Variants in NRXN3 observed in about 807,000 individuals in gnomAD.
The protein encoded by NRXN3 is neurexin 3, also known as neurexin III.
Under a neutral mutation model 137.6 loss-of-function variants are expected in NRXN3, and 32 were observed. The ratio of observed to expected loss-of-function variants is 0.23; its 90% CI spans 0.18 to 0.31. The LOEUF (loss-of-function observed/expected upper bound fraction) is 0.31, where lower values mean the gene tolerates loss of function less well. Among genes scored for constraint, NRXN3 ranks in the 10% least tolerant of loss-of-function variants. The probability of loss-of-function intolerance (pLI) is 1.00; values close to 1 mark genes in which losing one functional copy is unlikely to be tolerated. For missense variants in NRXN3, 1,574 were observed against 2,062.5 expected, an observed-to-expected ratio of 0.76 and a Z score of 4.59; for synonymous variants, 798 against 784.5, an observed-to-expected ratio of 1.02 and a Z score of -0.29.
At chr14:78,225,309 G>C (rs371479254) in intron 1 of NRXN3, among the ~76,000 whole-genome samples, 2 of 152,138 alleles carry the variant, frequency 1.3e-5, no homozygotes, top group Non-Finnish European at 2.9e-5. Flanking sequence ...GTGTGAGATG[G>C]TATCTCATTG....
intron 15 of NRXN3, among the ~76,000 whole-genome samples, chr14:79,322,847 G>A (rs1175107138): frequency 6.6e-6 from 1 of 152,170 alleles, no homozygotes; most frequent in African/African-American, 2.4e-5. Context: ...TAAAGGGTAT[G>A]ATACTTTGGC....
Position 78,298,445 on chromosome 14 carries a change from A to T in NRXN3, c.757+585A>T, listed in dbSNP as rs542236372. Among the ~76,000 whole-genome samples, 12 of 152,358 alleles carry T rather than the reference A, an allele frequency of 7.9e-5. No homozygotes were observed. In the South Asian group the frequency reaches 2.5e-3, roughly 32 times the overall value. On this transcript the variant is annotated intron_variant, in intron 4 of 20. Coordinates refer to ENST00000335750, the MANE Select transcript of NRXN3 (RefSeq NM_001330195.2). ...CCTCATGGCAGAATACTAACTCATT[A>T]TACACCCTGAAGAAAACTGCATATA...
At chr14:78,447,352 C>T (rs533080985) in intron 4 of NRXN3, among the ~76,000 whole-genome samples, 41 of 152,300 alleles carry the variant, frequency 2.7e-4, no homozygotes, top group East Asian at 2.1e-3. Context: ...TTGACTGTAT[C>T]GTTTTAATTT....
At chr14:79,572,963 T>A (rs2097623348) in intron 16 of NRXN3, 1 of 152,108 alleles carries the variant, frequency 6.6e-6, no homozygotes, top group Admixed American at 6.5e-5. Context: ...AGCCAGAATG[T>A]GAAGTAAGAG....
chr14:78,896,436 A>G (rs1259621299), intron 10 of NRXN3, among the ~76,000 whole-genome samples: 2 of 151,878 alleles, frequency 1.3e-5, no homozygotes, highest in Non-Finnish European at 1.5e-5. Context: ...TATGATTCCA[A>G]TAATTCAAGC....
At chr14:79,765,072 A>C (rs1312227788) in intron 19 of NRXN3, among the ~76,000 whole-genome samples, 2 of 152,168 alleles carry the variant, frequency 1.3e-5, no homozygotes, top group African/African-American at 4.8e-5. Flanking sequence ...CACAACTACA[A>C]GTCATTTCAG....
intron 15 of NRXN3, among the ~76,000 whole-genome samples, chr14:79,070,383 C>T (rs1436891648): frequency 2.0e-5 from 3 of 152,220 alleles, no homozygotes; most frequent in East Asian, 1.9e-4. Context: ...CATCAAGTCA[C>T]AGCTTTTCAT....
intron 8 of NRXN3, among the ~76,000 whole-genome samples, chr14:78,784,427 C>T (rs551947552): frequency 1.3e-5 from 2 of 152,178 alleles, no homozygotes; most frequent in East Asian, 1.9e-4. Flanking sequence ...CACCAGGTGG[C>T]TCTAAGTCCA....
At chr14:79,229,797 C>T (rs992721959) in intron 15 of NRXN3, among the ~76,000 whole-genome samples, 3 of 152,074 alleles carry the variant, frequency 2.0e-5, no homozygotes, top group African/African-American at 7.2e-5. Flanking sequence ...CAGCAACAAG[C>T]CTGTGCTGTG....
In NRXN3 at chr14:79,845,670, C is replaced by G. The variant is rs866530695; in HGVS notation, c.4094-15672C>G. ...AGAGAGACGGAGACGGGGAGAGAGA[C>G]GGAGACGGGGAGAGAGACGGAGACG... On this transcript the variant is annotated intron_variant, in intron 20 of 20. Coordinates refer to ENST00000335750, the MANE Select transcript of NRXN3 (RefSeq NM_001330195.2). Among the ~76,000 whole-genome samples the G allele has an allele frequency of 6.9e-3, 399 of 58,034 alleles. 8 individuals are homozygous for G. The highest frequency in any genetic ancestry group is 0.036 in the African/African-American group (346 of 9,492). 38.1% of individuals were successfully genotyped at this position (58,034 alleles called of 152,430 possible).
chr14:78,891,048 G>A (rs1364245348), intron 10 of NRXN3, among the ~76,000 whole-genome samples: 1 of 151,928 alleles, frequency 6.6e-6, no homozygotes, highest in East Asian at 1.9e-4. Flanking sequence ...AGTTACATTT[G>A]TTAATTTTGT....
chr14:78,486,536 G>T (rs2095561756), intron 4 of NRXN3, among the ~76,000 whole-genome samples: 1 of 152,126 alleles, frequency 6.6e-6, no homozygotes, highest in South Asian at 2.1e-4. Flanking sequence ...TATAGAAATT[G>T]ATTTGTTAAC....
intron 15 of NRXN3, among the ~76,000 whole-genome samples, chr14:79,163,420 C>T (rs2060989313): frequency 6.6e-6 from 1 of 151,988 alleles, no homozygotes; most frequent in African/African-American, 2.4e-5. Context: ...TTTACCATCT[C>T]TCTCAAGAGA....
At chr14:79,279,487 T>TTCGC (rs1249837656) in intron 15 of NRXN3, 1 of 986,108 alleles carries the variant, frequency 1.0e-6, no homozygotes, top group African/African-American at 1.7e-5. Flanking sequence ...TCTCGCTGAT[T>TTCGC]TCGCCCACCC....
intron 4 of NRXN3, among the ~76,000 whole-genome samples, chr14:78,615,798 G>T (rs1601409208): frequency 1.3e-5 from 2 of 152,106 alleles, no homozygotes; most frequent in East Asian, 3.9e-4. Context: ...ACAATTAGTT[G>T]GATGTGGGCA....
At chr14:79,440,846 G>A (rs2095928074) in intron 15 of NRXN3, among the ~76,000 whole-genome samples, 1 of 152,110 alleles carries the variant, frequency 6.6e-6, no homozygotes, top group Non-Finnish European at 1.5e-5. Context: ...CATCTGGTGT[G>A]CTAGCTTAGA....
intron 4 of NRXN3, among the ~76,000 whole-genome samples, chr14:78,426,561 G>C (rs567306614): frequency 2.6e-4 from 39 of 152,306 alleles, no homozygotes; most frequent in Non-Finnish European, 4.4e-4. Flanking sequence ...AGTTAACCCT[G>C]GGTGTTTTTT....
intron 16 of NRXN3, among the ~76,000 whole-genome samples, chr14:79,589,091 CA>C (rs1266682055): frequency 6.6e-6 from 1 of 152,024 alleles, no homozygotes; most frequent in Non-Finnish European, 1.5e-5. Context: ...CCAATCTCTA[CA>C]AAAAATATAA....
intron 15 of NRXN3, among the ~76,000 whole-genome samples, chr14:79,137,942 C>A (rs1477348107): frequency 6.6e-6 from 1 of 152,034 alleles, no homozygotes; most frequent in Non-Finnish European, 1.5e-5. Flanking sequence ...TTGGAGAAGG[C>A]CCATCTGTAC....
Sources: allele counts gnomAD v4.1 joint callset (sites outside exome capture counted in the v4.1 genomes callset), GRCh38; gene constraint gnomAD v4.1.1; transcripts MANE v1.5; gene names NCBI Gene and HGNC (gene_info 2026-07-23, HGNC 2026-07-21).